RIMS1: variants seen among roughly 807,000 people sequenced by gnomAD.
The protein encoded by RIMS1 is regulating synaptic membrane exocytosis protein 1.
A neutral mutation model predicts 214.1 loss-of-function variants in RIMS1; 83 were observed. The ratio of observed to expected loss-of-function variants is 0.39; its 90% CI spans 0.32 to 0.47. The LOEUF (loss-of-function observed/expected upper bound fraction) is 0.47, where lower values mean the gene tolerates loss of function less well. Ranked by LOEUF, RIMS1 falls within the 20% of genes least tolerant of loss-of-function variation. RIMS1 has a pLI of 0.99. For missense variants in RIMS1, 2,050 were observed against 2,161.8 expected (o/e 0.95, Z 1.03); for synonymous variants, 793 against 786.8 (o/e 1.01, Z -0.13).
intron 4 of RIMS1, among the ~76,000 whole-genome samples, chr6:72,168,006 G>C (rs1379573626): frequency 6.6e-6 from 1 of 151,982 alleles, no homozygotes; most frequent in South Asian, 2.1e-4. Flanking sequence ...ATCTGGAAAT[G>C]GTATGGATAA....
chr6:71,978,349 A>G (rs1233905444), intron 2 of RIMS1, among the ~76,000 whole-genome samples: 1 of 152,130 alleles, frequency 6.6e-6, no homozygotes, highest in Non-Finnish European at 1.5e-5. Context: ...GACAAAAATT[A>G]TGTAAAATTG....
chr6:72,012,426 A>T (rs907896580), intron 2 of RIMS1, among the ~76,000 whole-genome samples: 1 of 152,214 alleles, frequency 6.6e-6, no homozygotes, highest in African/African-American at 2.4e-5. Context: ...ACATGTATAC[A>T]TATGTAACAA....
chr6:72,290,832 G>T lies in RIMS1; in HGVS notation c.3708G>T (p.Gly1236=), dbSNP rs1467734400. ...CTATGCACCACCTTGTCCCTGGAGG[G>T]TCGGCGCCACCTTCTCCGCTTCTGA... is the stretch of plus-strand genomic sequence containing the variant. ...LCSMHHLVPG[G]SAPPSPLLTR... is the part of the protein sequence containing the mutation. The change falls in exon 25 of 34, where the codon GGG becomes GGT. Residue 1236 remains glycine, a synonymous_variant. Transcript: ENST00000521978. 6.2e-7 allele frequency: 1 copy of T among 1,613,012 alleles called. No homozygotes were observed. The highest frequency in any genetic ancestry group is 8.5e-7 in the Non-Finnish European group (1 of 1,179,684).
intron 27 of RIMS1, among the ~76,000 whole-genome samples, chr6:72,310,026 A>G (rs545576229): frequency 6.6e-6 from 1 of 152,188 alleles, no homozygotes; most frequent in East Asian, 1.9e-4. Flanking sequence ...TTATGGCTAT[A>G]ATTAAGAGCC....
chr6:72,021,430 T>C (rs939858327), intron 2 of RIMS1, among the ~76,000 whole-genome samples: 28 of 152,186 alleles, frequency 1.8e-4, no homozygotes, highest in African/African-American at 6.5e-4. Context: ...ATTTATCAGA[T>C]CTATACTATT....
At chr6:72,000,840 C>A (rs1300845265) in intron 2 of RIMS1, among the ~76,000 whole-genome samples, 1 of 152,106 alleles carries the variant, frequency 6.6e-6, no homozygotes, top group Non-Finnish European at 1.5e-5. Flanking sequence ...ATTAACCTTC[C>A]CACATCCTCC....
Position 72,265,482 on chromosome 6 carries a change from T to C in RIMS1, c.3287T>C (p.Phe1096Ser). 3.2e-6 allele frequency: 5 copies of C among 1,582,810 alleles called. No individual in the cohort carries two copies. The highest frequency in any genetic ancestry group is 4.3e-6 in the Non-Finnish European group (5 of 1,152,944). The change falls in exon 21 of 34, where the codon TTT becomes TCT. Residue 1096 changes from phenylalanine (F) to serine (S), a missense_variant. By Grantham distance (155) the Phe-to-Ser change is radical. Transcript: ENST00000521978. ...TGCTTTAACTCAACAGTATTGAGAT[T>C]TACTGATGAAATACTGGTTAGGTAA... ...HECFNSTVLR[F>S]TDEILVSELQ...
intron 24 of RIMS1, among the ~76,000 whole-genome samples, chr6:72,288,066 T>C (rs765012969): frequency 2.6e-5 from 4 of 152,124 alleles, no homozygotes; most frequent in Non-Finnish European, 4.4e-5. Context: ...TCCTGAGATG[T>C]GAAATTACCA....
intron 16 of RIMS1, among the ~76,000 whole-genome samples, chr6:72,256,257 A>G (rs1008728958): frequency 3.9e-5 from 6 of 152,132 alleles, no homozygotes; most frequent in Non-Finnish European, 5.9e-5. Context: ...ATATTATAGC[A>G]TATGTTATAT....
At chr6:72,034,054 A>G (rs957733643) in intron 2 of RIMS1, among the ~76,000 whole-genome samples, 3 of 152,114 alleles carry the variant, frequency 2.0e-5, no homozygotes, top group African/African-American at 7.2e-5. Flanking sequence ...CATTTCTCAC[A>G]TGCATGCTCA....
chr6:72,343,260 T>C (rs1256123016), intron 29 of RIMS1, among the ~76,000 whole-genome samples: 1 of 151,800 alleles, frequency 6.6e-6, no homozygotes, highest in Non-Finnish European at 1.5e-5. Flanking sequence ...TGCCACATTC[T>C]TTAAGACTTA....
chr6:72,004,855 G>A (rs1237340486), intron 2 of RIMS1, among the ~76,000 whole-genome samples: 7 of 151,722 alleles, frequency 4.6e-5, no homozygotes, highest in Non-Finnish European at 8.8e-5. Flanking sequence ...CTTTTGCTGT[G>A]CAGAAGCTCT....
chr6:72,163,604 C>T (rs934061915), intron 4 of RIMS1, among the ~76,000 whole-genome samples: 3 of 140,924 alleles, frequency 2.1e-5, no homozygotes, highest in Non-Finnish European at 4.8e-5. Flanking sequence ...TTTTAGCAGG[C>T]AAGACCCTCA....
chr6:72,213,145 T>G (rs1364653131), intron 6 of RIMS1: 1 of 1,536,992 alleles, frequency 6.5e-7, no homozygotes, highest in Non-Finnish European at 8.7e-7. Flanking sequence ...GGGATTCATG[T>G]CTCTTCAGAA....
intron 6 of RIMS1, among the ~76,000 whole-genome samples, chr6:72,203,241 C>T (rs1252995847): frequency 4.6e-5 from 7 of 152,182 alleles, no homozygotes; most frequent in African/African-American, 1.7e-4. Context: ...CCCACCTCAG[C>T]CTCCCAAAGT....
At chr6:72,223,686 A>G (rs1005583891) in intron 6 of RIMS1, among the ~76,000 whole-genome samples, 7 of 152,014 alleles carry the variant, frequency 4.6e-5, no homozygotes, top group African/African-American at 1.4e-4. Flanking sequence ...GGTGGCTCAC[A>G]CCTGTAATCC....
chr6:72,288,542 A>T (rs2092792949), intron 24 of RIMS1, among the ~76,000 whole-genome samples: 1 of 152,166 alleles, frequency 6.6e-6, no homozygotes, highest in Non-Finnish European at 1.5e-5. Flanking sequence ...TTCTTAGCAC[A>T]TCCCATTTCA....
intron 22 of RIMS1, among the ~76,000 whole-genome samples, chr6:72,271,155 A>G (rs1239505848): frequency 6.6e-6 from 1 of 151,410 alleles, no homozygotes; most frequent in Non-Finnish European, 1.5e-5. Flanking sequence ...GGTCCCAGCT[A>G]CTAGGGAGGC....
At position 72,390,896 on chromosome 6, in the gene RIMS1, A is replaced by C. The variant is rs537046468; in HGVS notation, c.4505+160A>C. The C allele has an allele frequency of 2.7e-5, 19 of 697,744 alleles. No homozygotes were observed. In the Admixed American group the frequency reaches 5.6e-4, roughly 21 times the overall value. 43.2% of individuals were successfully genotyped at this position (697,744 alleles called of 1,614,324 possible). On this transcript the variant is annotated intron_variant, in intron 30 of 33. Coordinates refer to ENST00000521978, the MANE Select transcript of RIMS1 (RefSeq NM_014989.7). ...CCTGATGGCTTATAAGTAAGTACAC[A>C]TGGACACACCTCTACACCTGGTCAT...
Sources: gnomAD v4.1 joint callset for allele counts (sites outside exome capture counted in the v4.1 genomes callset) on GRCh38, gnomAD v4.1.1 for gene constraint, MANE v1.5 for transcripts, NCBI Gene and HGNC (gene_info 2026-07-23, HGNC 2026-07-21) for gene names.